The following RANBP2 variants were observed in gnomAD, a reference collection of about 807,000 sequenced individuals.
RANBP2 encodes RAN binding protein 2, also known as E3 SUMO-protein ligase RanBP2.
Under a neutral mutation model 303.6 loss-of-function variants are expected in RANBP2, and 57 were observed. The observed-to-expected ratio is 0.19, with a 90% CI of 0.15 to 0.23. The LOEUF (loss-of-function observed/expected upper bound fraction) is 0.23. Among genes scored for constraint, RANBP2 ranks in the 10% least tolerant of loss-of-function variants. The pLI, the probability that RANBP2 is intolerant of heterozygous loss-of-function variation, is 1.00. For missense variants in RANBP2, 3,138 were observed against 3,780.8 expected, an observed-to-expected ratio of 0.83 and a Z score of 4.46; for synonymous variants, 1,167 against 1,301.5, an observed-to-expected ratio of 0.90 and a Z score of 2.23.
At chr2:109,574,902 T>C in the RANBP2 span, 1 of 518,716 alleles carries the variant, frequency 1.9e-6, no homozygotes, top group Non-Finnish European at 3.0e-6. Flanking sequence ...AGATTAACTT[T>C]AGTGATAAAA....
Position 108,784,818 on chromosome 2 carries a change from C to G in RANBP2, c.*917C>G, listed in dbSNP as rs1678495704. On this transcript the variant is annotated 3_prime_UTR_variant, in exon 29 of 29. Transcript: ENST00000283195. ...CCACTGACATCCAAAAAATTCATTA[C>G]TTACGCTTCGGGTTCATTCTAAAGT... 7.1e-6 allele frequency: 1 copy of G among 141,442 alleles called. No individual in the cohort carries two copies. The highest frequency in any genetic ancestry group is 3.0e-5 in the African/African-American group (1 of 32,808). 8.8% of individuals were successfully genotyped at this position (141,442 alleles called of 1,614,324 possible).
intron 4 of RANBP2, 146 bp downstream of exon 4, chr2:108,731,620 T>G: frequency 6.9e-7 from 1 of 1,456,254 alleles, no homozygotes; most frequent in Non-Finnish European, 9.2e-7. Context: ...TGTTAAAACC[T>G]TTCTGAGCAT....
the RANBP2 span, among the ~76,000 whole-genome samples, chr2:109,506,314 G>A: frequency 7.9e-5 from 12 of 152,228 alleles, no homozygotes; most frequent in Non-Finnish European, 1.5e-4. Context: ...CGGGAGAAAG[G>A]CTCCATGGCC....
the RANBP2 span, among the ~76,000 whole-genome samples, chr2:109,589,205 C>A: frequency 4.0e-5 from 6 of 151,880 alleles, no homozygotes; most frequent in Non-Finnish European, 7.4e-5. Context: ...TGCAGTCGTG[C>A]GACCTTGGCA....
the RANBP2 span, among the ~76,000 whole-genome samples, chr2:109,483,938 C>T: frequency 2.0e-4 from 31 of 152,180 alleles, no homozygotes; most frequent in Admixed American, 4.6e-4. Flanking sequence ...TTCAAGCCCC[C>T]CACAACCCCC....
At chr2:109,417,640 T>C in the RANBP2 span, among the ~76,000 whole-genome samples, 1 of 152,180 alleles carries the variant, frequency 6.6e-6, no homozygotes, top group African/African-American at 2.4e-5. Flanking sequence ...TGCATTGCAA[T>C]GGAAGTCATT....
chr2:109,511,527 C>A, the RANBP2 span, among the ~76,000 whole-genome samples: 3 of 152,210 alleles, frequency 2.0e-5, no homozygotes, highest in East Asian at 5.8e-4. Context: ...CCTGAAGGTG[C>A]CTGGACCACA....
chr2:108,745,942 T>C (rs1368355909), intron 7 of RANBP2, among the ~76,000 whole-genome samples: 1 of 151,042 alleles, frequency 6.6e-6, no homozygotes, highest in Non-Finnish European at 1.5e-5. Flanking sequence ...GGTCTCACTC[T>C]GTCGCCCAAG....
At chr2:108,771,072 T>G (rs1677464036) in intron 20 of RANBP2, among the ~76,000 whole-genome samples, 1 of 151,960 alleles carries the variant, frequency 6.6e-6, no homozygotes, top group Non-Finnish European at 1.5e-5. Context: ...GCATTGATGG[T>G]GGCTGGGGAT....
chr2:109,350,068 G>A, the RANBP2 span, among the ~76,000 whole-genome samples: 3 of 152,248 alleles, frequency 2.0e-5, no homozygotes, highest in East Asian at 1.9e-4. Flanking sequence ...GGGGCAGGCC[G>A]GGCATTTAGT....
the RANBP2 span, among the ~76,000 whole-genome samples, chr2:109,213,389 G>C: frequency 1.3e-5 from 2 of 152,198 alleles, no homozygotes; most frequent in Non-Finnish European, 2.9e-5. Flanking sequence ...ACGGACCAGG[G>C]CTCCTCAAAC....
chr2:109,127,465 G>A, the RANBP2 span: 14 of 152,224 alleles, frequency 9.2e-5, no homozygotes, highest in African/African-American at 3.4e-4. Context: ...TTATGTGTTA[G>A]TTCTGTGGAT....
chr2:109,151,258 G>A, the RANBP2 span, among the ~76,000 whole-genome samples: 2 of 152,190 alleles, frequency 1.3e-5, no homozygotes, highest in East Asian at 3.9e-4. Context: ...TTTCATGTTT[G>A]TGGGGCTCCA....
the RANBP2 span, among the ~76,000 whole-genome samples, chr2:108,924,106 C>T: frequency 6.6e-6 from 1 of 152,250 alleles, no homozygotes; most frequent in East Asian, 1.9e-4. Flanking sequence ...CAAGCCTTTA[C>T]GCTGGGGCTG....
At chr2:109,173,465 C>T in the RANBP2 span, among the ~76,000 whole-genome samples, 1 of 152,206 alleles carries the variant, frequency 6.6e-6, no homozygotes, top group African/African-American at 2.4e-5. Context: ...CCAGTTGACT[C>T]TGCCTTACCC....
chr2:108,871,054 C>T, the RANBP2 span, among the ~76,000 whole-genome samples: 2 of 151,884 alleles, frequency 1.3e-5, no homozygotes, highest in African/African-American at 2.4e-5. Context: ...TAGAAATAGC[C>T]GTCATTAATG....
the RANBP2 span, among the ~76,000 whole-genome samples, chr2:109,658,999 A>T: frequency 2.6e-5 from 4 of 152,162 alleles, no homozygotes; most frequent in Non-Finnish European, 2.9e-5. Flanking sequence ...CAGGAGGCAG[A>T]GGCTGCAGTA....
chr2:109,361,109 G>A, the RANBP2 span, among the ~76,000 whole-genome samples: 1 of 152,122 alleles, frequency 6.6e-6, no homozygotes, highest in Non-Finnish European at 1.5e-5. Flanking sequence ...TTTAGCCTGT[G>A]GATATGATAG....
chr2:109,270,687 G>A, the RANBP2 span, among the ~76,000 whole-genome samples: 5 of 152,320 alleles, frequency 3.3e-5, no homozygotes, highest in East Asian at 3.9e-4. Flanking sequence ...TCTGGGCCAC[G>A]CAGGTGGTGT....
Sources: allele counts gnomAD v4.1 joint callset (sites outside exome capture counted in the v4.1 genomes callset), GRCh38; gene constraint gnomAD v4.1.1; transcripts MANE v1.5; gene names NCBI Gene and HGNC (gene_info 2026-07-23, HGNC 2026-07-21).